The following MYOZ1 variants were observed in gnomAD, a reference collection of about 807,000 sequenced individuals.
MYOZ1 encodes the protein myozenin 1.
In MYOZ1, 20 loss-of-function variants were observed where a neutral mutation model predicts 28.7. The ratio of observed to expected loss-of-function variants is 0.70; its 90% CI spans 0.49 to 1.01. The LOEUF (loss-of-function observed/expected upper bound fraction) is 1.01. Ranked by LOEUF, MYOZ1 falls within the 50% of genes least tolerant of loss-of-function variation. The pLI is 0.00. For missense variants in MYOZ1, 371 were observed against 372.4 expected, an observed-to-expected ratio of 1.00 and a Z score of 0.03; for synonymous variants, 144 against 145.8, an observed-to-expected ratio of 0.99 and a Z score of 0.09.
At chr10:73,635,769 G>T (rs2081664023) in intron 3 of MYOZ1, among the ~76,000 whole-genome samples, 1 of 152,080 alleles carries the variant, frequency 6.6e-6, no homozygotes, top group Admixed American at 6.6e-5. Context: ...CCCTTCCTCA[G>T]CTTGTCCAAC....
At chr10:73,634,355 A>C (rs963918019) in intron 4 of MYOZ1, 129 bp downstream of exon 4, 2 of 1,092,394 alleles carry the variant, frequency 1.8e-6, no homozygotes, top group African/African-American at 3.2e-5. Context: ...ATTTAAACTG[A>C]TATTATTATA....
In MYOZ1 at chr10:73,634,672, A is replaced by T; in HGVS notation, c.314T>A (p.Phe105Tyr). The change falls in exon 4 of 6, where the codon TTC (phenylalanine) becomes TAC (tyrosine). Residue 105 changes from phenylalanine (F) to tyrosine (Y), a missense_variant. By Grantham distance (22) the Phe-to-Tyr change is conservative. Coordinates refer to ENST00000359322, the MANE Select transcript of MYOZ1 (RefSeq NM_021245.4). Reference protein sequence around the residue: ...GGQLGTAGQGFSYSKSNGRGG... With the variant: ...GGQLGTAGQGYSYSKSNGRGG... ...TCTGCCGTTGCTCTTGCTGTATGAG[A>T]ATCCCTGACCAGCTGTGCCCAGCTG... 1 of 1,614,242 alleles carries T rather than the reference A, an allele frequency of 6.2e-7. No individual in the cohort carries two copies. Among genetic ancestry groups the T allele is most frequent in the Admixed American group, 1.7e-5 (1 of 60,030 alleles).
chr10:73,641,152 A>G (rs937327261), intron 1 of MYOZ1, among the ~76,000 whole-genome samples: 1 of 152,150 alleles, frequency 6.6e-6, no homozygotes, highest in African/African-American at 2.4e-5. Flanking sequence ...CAAAAAATAC[A>G]TCTGCAACTC....
chr10:73,638,255 C>T (rs2081680053), intron 2 of MYOZ1, among the ~76,000 whole-genome samples: 1 of 151,610 alleles, frequency 6.6e-6, no homozygotes, highest in Admixed American at 6.6e-5. Context: ...AGGAAAAACC[C>T]AGAGGCCAAT....
At chr10:73,636,893 T>C (rs2081670118) in intron 3 of MYOZ1, among the ~76,000 whole-genome samples, 1 of 152,222 alleles carries the variant, frequency 6.6e-6, no homozygotes, top group South Asian at 2.1e-4. Context: ...AAATATTGCA[T>C]GGGACATATT....
At position 73,631,822 on chromosome 10, in the gene MYOZ1, C is replaced by T; in HGVS notation, c.*108G>A. ...AAAGGTAGATCTCTCCTTTTTCCCT[C>T]CATTCCCATAAGGATACTGGATTAA... On this transcript the variant is annotated 3_prime_UTR_variant, in exon 6 of 6. Coordinates refer to ENST00000359322, the MANE Select transcript of MYOZ1 (RefSeq NM_021245.4). 1.0e-6 allele frequency: 1 copy of T among 954,706 alleles called. No homozygotes were observed. The highest frequency in any genetic ancestry group is 1.6e-6 in the Non-Finnish European group (1 of 629,114). The allele number at this position is 954,706 out of a possible 1,614,324, so 59.1% of individuals were successfully genotyped here.
intron 2 of MYOZ1, among the ~76,000 whole-genome samples, chr10:73,639,416 C>G (rs879680242): frequency 6.6e-6 from 1 of 152,226 alleles, no homozygotes; most frequent in Admixed American, 6.5e-5. Context: ...GCCACTGCAC[C>G]TGGCCCAGAC....
intron 5 of MYOZ1, among the ~76,000 whole-genome samples, chr10:73,632,715 T>G (rs2081642165): frequency 7.2e-6 from 1 of 138,222 alleles, no homozygotes; most frequent in Non-Finnish European, 1.5e-5. Context: ...ACCCAGGAGG[T>G]GGAGGTTGCA....
Position 73,634,044 on chromosome 10 carries a change from C to T in MYOZ1, c.524G>A (p.Gly175Glu), listed in dbSNP as rs200674253. The change falls in exon 5 of 6, where the codon GGA becomes GAA. Residue 175 changes from glycine to glutamate, a missense_variant. Coordinates refer to ENST00000359322, the MANE Select transcript of MYOZ1 (RefSeq NM_021245.4). ...GGTCTTGAACACAGTGATATGTTTT[C>T]CTTCTCCGCCTGCCTGGTCTCCTGG... The part of the protein sequence containing the change: ...TGSGDQAGGE[G>E]KHITVFKTYI... The T allele has an allele frequency of 6.2e-7, 1 of 1,613,846 alleles. No individual in the cohort carries two copies. The highest frequency in any genetic ancestry group is 2.2e-5 in the East Asian group (1 of 44,860).
intron 3 of MYOZ1, among the ~76,000 whole-genome samples, chr10:73,635,047 C>T (rs1042907229): frequency 6.6e-6 from 1 of 152,074 alleles, no homozygotes; most frequent in Non-Finnish European, 1.5e-5. Flanking sequence ...CCTCAGCCTC[C>T]CGAGTAGCTG....
chr10:73,640,004 C>T lies in MYOZ1; in HGVS notation c.14G>A (p.Gly5Glu), dbSNP rs756799052. 1 of 1,613,906 alleles carries T rather than the reference C, an allele frequency of 6.2e-7. No homozygotes were observed. ...CCTCTTCTTATTAGGGGCCGGGGTT[C>T]CTGAGAGCGGCATTGTGGAGGTGGA... Reference protein sequence around the residue: MPLSGTPAPNKKRKS... With the variant: MPLSETPAPNKKRKS... The change falls in exon 2 of 6, where the codon GGA becomes GAA. Residue 5 changes from glycine (G) to glutamate (E), a missense_variant. Coordinates refer to ENST00000359322, the MANE Select transcript of MYOZ1 (RefSeq NM_021245.4).
intron 1 of MYOZ1, 107 bp from the exon 2 acceptor site, chr10:73,640,142 C>CA (rs869081823): frequency 2.0e-4 from 174 of 885,330 alleles, no homozygotes; most frequent in Admixed American, 6.0e-4. Context: ...CTTGAGGGGA[C>CA]AAAAAAATTT....
rs372939816 is a variant in MYOZ1, at chr10:73,634,716, G to C, written c.270C>G (p.Phe90Leu). 5.0e-5 allele frequency: 81 copies of C among 1,613,316 alleles called. No individual in the cohort carries two copies. Among genetic ancestry groups the C allele is most frequent in the Non-Finnish European group, 6.3e-5 (74 of 1,179,456 alleles). Residue 90 changes from phenylalanine to leucine, a missense_variant, in exon 4 of 6, where the codon TTC (phenylalanine) becomes TTG (leucine). Transcript: ENST00000359322. ...SDSSMDHFQK[F>L]LPTVGGQLGT... The stretch of plus-strand genomic sequence containing the variant: ...CCAGCTGTCCCCCCACTGTTGGAAG[G>C]AACTTCTGGAAGTGATCCTGAAAAG...
intron 3 of MYOZ1, among the ~76,000 whole-genome samples, chr10:73,635,357 C>G (rs1489068527): frequency 6.6e-6 from 1 of 151,134 alleles, no homozygotes; most frequent in Non-Finnish European, 1.5e-5. Context: ...CACGCCTGCC[C>G]AGCTTTAAAA....
At chr10:73,638,660 T>TTATG (rs2081683593) in intron 2 of MYOZ1, among the ~76,000 whole-genome samples, 1 of 145,126 alleles carries the variant, frequency 6.9e-6, no homozygotes, top group South Asian at 2.2e-4. Context: ...ATTTATTTAT[T>TTATG]TATTTATTTA....
chr10:73,636,186 G>A (rs1456675685), intron 3 of MYOZ1, among the ~76,000 whole-genome samples: 1 of 152,182 alleles, frequency 6.6e-6, no homozygotes, highest in Non-Finnish European at 1.5e-5. Context: ...AAATGGAGAA[G>A]GCCCTTCTTC....
intron 3 of MYOZ1, among the ~76,000 whole-genome samples, chr10:73,635,979 CA>C (rs1215478210): frequency 1.3e-5 from 2 of 152,200 alleles, no homozygotes; most frequent in Non-Finnish European, 2.9e-5. Context: ...ATGTACACCC[CA>C]ATGCTCCACC....
intron 3 of MYOZ1, among the ~76,000 whole-genome samples, chr10:73,636,390 G>T (rs376526603): frequency 6.6e-6 from 1 of 152,062 alleles, no homozygotes; most frequent in Non-Finnish European, 1.5e-5. Flanking sequence ...CTCTTTCTAG[G>T]GTTGCCAGAT....
At chr10:73,640,875 G>A (rs567017094) in intron 1 of MYOZ1, among the ~76,000 whole-genome samples, 2 of 152,250 alleles carry the variant, frequency 1.3e-5, no homozygotes, top group East Asian at 3.9e-4. Flanking sequence ...CTGGAACATG[G>A]CCTGGGAAGT....
Sources: gnomAD v4.1 joint callset for allele counts (sites outside exome capture counted in the v4.1 genomes callset) on GRCh38, gnomAD v4.1.1 for gene constraint, MANE v1.5 for transcripts, NCBI Gene and HGNC (gene_info 2026-07-23, HGNC 2026-07-21) for gene names.